GRK5: variants seen among roughly 807,000 people sequenced by gnomAD.
GRK5 encodes g protein-coupled receptor kinase GRK5.
In GRK5, 40 loss-of-function variants were observed where a neutral mutation model predicts 78.4. That is an observed-to-expected ratio of 0.51 (90% confidence interval 0.40 to 0.66). The LOEUF is 0.66. GRK5 is among the 30% of genes least tolerant of loss of function. The probability of loss-of-function intolerance (pLI) is 0.00; values close to 1 mark genes in which losing one functional copy is unlikely to be tolerated. For synonymous variants in GRK5, 289 were observed against 296.8 expected (o/e 0.97, Z 0.27); for missense variants, 598 against 759.9 (o/e 0.79, Z 2.50).
chr10:119,354,261 T>C (rs1056662009), intron 2 of GRK5, among the ~76,000 whole-genome samples: 6 of 152,066 alleles, frequency 3.9e-5, no homozygotes, highest in African/African-American at 1.4e-4. Context: ...AGGTTAAGAG[T>C]ACCTAAAATC....
chr10:119,379,525 G>A lies in GRK5; in HGVS notation c.149-1290G>A, dbSNP rs1283809624. Among the ~76,000 whole-genome samples the A allele has an allele frequency of 6.6e-6, 1 of 152,246 alleles. No homozygotes were observed. Among genetic ancestry groups the A allele is most frequent in the Admixed American group, 6.5e-5 (1 of 15,280 alleles). ...ATCTCAAGAGAAATCCTTTCTAGGG[G>A]GGATGGTGTCTTAGCTCCTCTACAC... On this transcript the variant is annotated intron_variant, in intron 2 of 15. Transcript: ENST00000392870. This position sits in a 1 kb window ranked among gnomAD's most constrained non-coding sequence, Gnocchi z 4.1.
chr10:119,327,459 G>A (rs924368051), intron 2 of GRK5, among the ~76,000 whole-genome samples: 2 of 152,196 alleles, frequency 1.3e-5, no homozygotes, highest in East Asian at 1.9e-4. Context: ...GGTCATGGAC[G>A]TGCTGAACAC....
At chr10:119,277,562 C>A (rs1232565162) in intron 1 of GRK5, among the ~76,000 whole-genome samples, 2 of 152,206 alleles carry the variant, frequency 1.3e-5, no homozygotes, top group African/African-American at 4.8e-5. Context: ...TTCAAAACCA[C>A]TTTATTGAGT....
At chr10:119,313,868 G>C (rs1850438388) in intron 1 of GRK5, among the ~76,000 whole-genome samples, 1 of 152,154 alleles carries the variant, frequency 6.6e-6, no homozygotes, top group Non-Finnish European at 1.5e-5. Context: ...GATCCCTCTG[G>C]TTGAGGCTGA....
chr10:119,375,481 CT>C (rs1187678233), intron 2 of GRK5, among the ~76,000 whole-genome samples: 1 of 152,248 alleles, frequency 6.6e-6, no homozygotes, highest in Non-Finnish European at 1.5e-5. Context: ...GCCACGACAC[CT>C]TCCAGGACAC....
intron 5 of GRK5, among the ~76,000 whole-genome samples, chr10:119,424,217 G>A (rs1405311819): frequency 6.6e-6 from 1 of 152,112 alleles, no homozygotes; most frequent in Non-Finnish European, 1.5e-5. Flanking sequence ...GGCCATCTTG[G>A]CTCCCAACGA....
intron 4 of GRK5, among the ~76,000 whole-genome samples, chr10:119,400,178 C>G (rs1046235821): frequency 6.6e-6 from 1 of 152,194 alleles, no homozygotes; most frequent in Non-Finnish European, 1.5e-5. Context: ...AGGAGCCCAC[C>G]TTCAGAGTAG....
chr10:119,327,543 T>C (rs1850700488), intron 2 of GRK5, among the ~76,000 whole-genome samples: 2 of 152,228 alleles, frequency 1.3e-5, no homozygotes, highest in Admixed American at 1.3e-4. Flanking sequence ...GCCCAGCTTT[T>C]CTGGGGACTT....
intron 6 of GRK5, among the ~76,000 whole-genome samples, chr10:119,429,501 C>T (rs929211883): frequency 1.3e-5 from 2 of 150,624 alleles, no homozygotes; most frequent in African/African-American, 4.9e-5. Flanking sequence ...CAATGCAAAC[C>T]ACAAGCCCTC....
intron 1 of GRK5, among the ~76,000 whole-genome samples, chr10:119,216,653 TAAAAAA>T (rs1200857618): frequency 6.6e-6 from 1 of 151,430 alleles, no homozygotes; most frequent in Admixed American, 6.6e-5. Context: ...CTACAAAAAA[TAAAAAA>T]TAAATAAAAA....
chr10:119,393,744 A>G (rs1020087940), intron 3 of GRK5, among the ~76,000 whole-genome samples: 1 of 152,196 alleles, frequency 6.6e-6, no homozygotes, highest in African/African-American at 2.4e-5. Flanking sequence ...GCTGTATTGG[A>G]ACCTCTTAGA....
rs566892048 is a variant in GRK5 at position 119,304,653 on chromosome 10, G to T, written c.53-21863G>T. ...GCTCACCCACAGGCCCCTGAGTCCCGATTTAGGGAGTCTATAACCAGCACC... is the reference window on the plus strand; with the variant it reads ...GCTCACCCACAGGCCCCTGAGTCCCTATTTAGGGAGTCTATAACCAGCACC... On this transcript the variant is annotated intron_variant, in intron 1 of 15. Transcript: ENST00000392870. Among the ~76,000 whole-genome samples, 3 of 152,242 alleles carry T rather than the reference G, an allele frequency of 2.0e-5. No homozygotes were observed. In the South Asian group the frequency reaches 6.2e-4, roughly 32 times the overall value.
intron 1 of GRK5, among the ~76,000 whole-genome samples, chr10:119,247,853 A>T (rs528374746): frequency 5.9e-4 from 90 of 152,210 alleles, no homozygotes; most frequent in African/African-American, 2.1e-3. Flanking sequence ...AAAAGTTTCA[A>T]ATTATAGGGG....
At chr10:119,407,961 C>G in intron 4 of GRK5, among the ~76,000 whole-genome samples, 2 of 152,026 alleles carry the variant, frequency 1.3e-5, no homozygotes, top group South Asian at 4.2e-4. Context: ...GTCGGGAGTT[C>G]AAGACCAGCC....
At chr10:119,299,279 C>T (rs1850134105) in intron 1 of GRK5, among the ~76,000 whole-genome samples, 1 of 152,056 alleles carries the variant, frequency 6.6e-6, no homozygotes, top group African/African-American at 2.4e-5. Context: ...CCCGTCTCTA[C>T]TAAAAATGCA....
intron 1 of GRK5, among the ~76,000 whole-genome samples, chr10:119,317,581 C>T (rs1263993706): frequency 6.6e-6 from 1 of 152,116 alleles, no homozygotes; most frequent in Non-Finnish European, 1.5e-5. Flanking sequence ...ATACGGTTTG[C>T]CCTGCCCCTG....
At chr10:119,226,162 T>C (rs1475904259) in intron 1 of GRK5, among the ~76,000 whole-genome samples, 1 of 151,990 alleles carries the variant, frequency 6.6e-6, no homozygotes, top group Non-Finnish European at 1.5e-5. Context: ...GTATTTTTAA[T>C]AGAGACGAGG....
rs527735295 is a variant in GRK5, at chr10:119,396,718, T to G, written c.285T>G (p.Asp95Glu). Residue 95 changes from aspartate (D) to glutamate (E), a missense_variant, in exon 4 of 16, where the codon GAT (aspartate) becomes GAG (glutamate). Transcript: ENST00000392870. ...DSVAEYEVTPDEKLGEKGKEI... is the reference protein window; with the variant it reads ...DSVAEYEVTPEEKLGEKGKEI... ...AGGCAGAATATGAAGTTACTCCAGA[T>G]GAAAAACTGGGAGAGAAAGGGAAGG... 1.2e-6 allele frequency: 2 copies of G among 1,613,502 alleles called. No individual in the cohort carries two copies. Among genetic ancestry groups the G allele is most frequent in the South Asian group, 2.2e-5 (2 of 91,072 alleles).
chr10:119,224,447 C>T (rs567336731), intron 1 of GRK5, among the ~76,000 whole-genome samples: 5 of 152,176 alleles, frequency 3.3e-5, no homozygotes, highest in South Asian at 2.1e-4. Flanking sequence ...GTTGCTCTGT[C>T]GCCCAGGCTG....
Sources: gnomAD v4.1 joint callset for allele counts (sites outside exome capture counted in the v4.1 genomes callset) on GRCh38, gnomAD v4.1.1 for gene constraint, Gnocchi (gnomAD v3.1) non-coding constraint, MANE v1.5 for transcripts, NCBI Gene and HGNC (gene_info 2026-07-23, HGNC 2026-07-21) for gene names.